The following FAM216A variants were observed in gnomAD, a reference collection of about 807,000 sequenced individuals.
FAM216A encodes family with sequence similarity 216 member A, also known as protein FAM216A.
FAM216A carries 26 observed loss-of-function variants against 37.6 expected under a neutral mutation model. The ratio of observed to expected loss-of-function variants is 0.69; its 90% CI spans 0.51 to 0.96. The LOEUF (loss-of-function observed/expected upper bound fraction) is 0.96. FAM216A is among the 40% of genes least tolerant of loss of function. The pLI is 0.00. For synonymous variants in FAM216A, 110 were observed against 121.7 expected (o/e 0.90, Z 0.64); for missense variants, 326 against 339.3 (o/e 0.96, Z 0.31).
At chr12:110,489,302 C>T (rs138725044) in intron 6 of FAM216A, among the ~76,000 whole-genome samples, 7 of 152,016 alleles carry the variant, frequency 4.6e-5, no homozygotes, top group Admixed American at 2.0e-4. Context: ...GTCAGGAGTT[C>T]GAGAGCAGCC....
At chr12:110,474,664 C>T (rs944712312) in intron 2 of FAM216A, among the ~76,000 whole-genome samples, 1 of 133,836 alleles carries the variant, frequency 7.5e-6, no homozygotes, top group Non-Finnish European at 1.5e-5. Context: ...TGCACTTGAG[C>T]CTGGGCGACA....
chr12:110,478,320 G>T lies in FAM216A; in HGVS notation c.184+5202G>T, dbSNP rs1300084460. ...TGTCCCTGTTCTACCCTTGATGTCT[G>T]CCATTTCTCCAAAGAGCCTGTGGTA... On this transcript the variant is annotated intron_variant, in intron 2 of 6. Transcript: ENST00000377673. Among the ~76,000 whole-genome samples, 41 of 152,082 alleles carry T rather than the reference G, an allele frequency of 2.7e-4. 1 individual carries two copies. Among genetic ancestry groups the T allele is most frequent in the Non-Finnish European group, 1.5e-5 (1 of 68,044 alleles).
chr12:110,484,548 CATG>C (rs1386619407), intron 2 of FAM216A, among the ~76,000 whole-genome samples: 1 of 150,006 alleles, frequency 6.7e-6, no homozygotes, highest in Non-Finnish European at 1.5e-5. Context: ...ATGTTTCTGA[CATG>C]ATGTTACTGT....
intron 1 of FAM216A, among the ~76,000 whole-genome samples, chr12:110,472,304 C>T (rs1441569576): frequency 6.6e-6 from 1 of 151,632 alleles, no homozygotes; most frequent in Non-Finnish European, 1.5e-5. Flanking sequence ...ATAAAGACAG[C>T]AAGATAATCA....
rs1476114844 is a variant in FAM216A, at chr12:110,486,360, G to A, written c.342G>A (p.Leu114=). ...PDLTTGQKRY[L]CSIAKIYNAN... ...TCACCACAGGCCAGAAGCGTTACCT[G>A]TGCAGCATTGCTAAAATCTATAATG... Residue 114 remains leucine, a synonymous_variant, in exon 4 of 7, where the codon CTG becomes CTA. Transcript: ENST00000377673. The A allele has an allele frequency of 5.0e-6, 8 of 1,613,830 alleles. No individual in the cohort carries two copies. Among genetic ancestry groups the A allele is most frequent in the African/African-American group, 2.7e-5 (2 of 75,028 alleles).
intron 1 of FAM216A, among the ~76,000 whole-genome samples, chr12:110,470,321 A>G (rs1351709244): frequency 6.6e-6 from 1 of 151,488 alleles, no homozygotes; most frequent in Admixed American, 6.6e-5. Flanking sequence ...GATGGTCTCG[A>G]TCTCCTGACC....
At chr12:110,470,049 C>T (rs905619136) in intron 1 of FAM216A, among the ~76,000 whole-genome samples, 1 of 151,890 alleles carries the variant, frequency 6.6e-6, no homozygotes, top group East Asian at 1.9e-4. Context: ...ATATGTTTGC[C>T]GTTCAGTACA....
intron 2 of FAM216A, among the ~76,000 whole-genome samples, chr12:110,478,755 G>C (rs2062729324): frequency 6.6e-6 from 1 of 152,096 alleles, no homozygotes; most frequent in South Asian, 2.1e-4. Context: ...TCTAAGCAGA[G>C]AACCCAGTGG....
intron 2 of FAM216A, among the ~76,000 whole-genome samples, chr12:110,480,108 C>T (rs549983059): frequency 5.3e-4 from 80 of 150,866 alleles, no homozygotes; most frequent in African/African-American, 1.8e-3. Flanking sequence ...TCACTGCAAC[C>T]GCTGCCTCCT....
intron 1 of FAM216A, among the ~76,000 whole-genome samples, chr12:110,469,506 TTTTC>T (rs892853418): frequency 8.6e-5 from 13 of 151,972 alleles, no homozygotes; most frequent in Admixed American, 3.3e-4. Flanking sequence ...TTTTTTTTTC[TTTTC>T]TTTCTTGTTT....
At chr12:110,488,356 A>C (rs2062788111) in intron 6 of FAM216A, among the ~76,000 whole-genome samples, 1 of 149,976 alleles carries the variant, frequency 6.7e-6, no homozygotes, top group Non-Finnish European at 1.5e-5. Context: ...GGTTGGAGTG[A>C]GCTGAGATTG....
chr12:110,474,510 T>G (rs991721896), intron 2 of FAM216A, among the ~76,000 whole-genome samples: 2 of 148,364 alleles, frequency 1.3e-5, no homozygotes, highest in East Asian at 4.0e-4. Flanking sequence ...ACCAACATGG[T>G]GAAACCCCGT....
intron 2 of FAM216A, among the ~76,000 whole-genome samples, chr12:110,475,721 CAAA>C (rs112122723): frequency 2.2e-4 from 21 of 96,976 alleles, no homozygotes; most frequent in Admixed American, 3.4e-4. Context: ...TCACCCCTGG[CAAA>C]AAAAAAAAAA....
At chr12:110,474,681 G>C (rs1003397468) in intron 2 of FAM216A, among the ~76,000 whole-genome samples, 1 of 103,752 alleles carries the variant, frequency 9.6e-6, no homozygotes, top group Non-Finnish European at 1.7e-5. Flanking sequence ...GACAGAGCGA[G>C]ACTCTGTCTC....
chr12:110,474,212 T>TA (rs1204279649), intron 2 of FAM216A, among the ~76,000 whole-genome samples: 1 of 151,938 alleles, frequency 6.6e-6, no homozygotes, highest in African/African-American at 2.4e-5. Flanking sequence ...TAGTTCAGTG[T>TA]AAAAAAGAAA....
At chr12:110,472,437 C>A (rs980867315) in intron 1 of FAM216A, among the ~76,000 whole-genome samples, 1 of 151,724 alleles carries the variant, frequency 6.6e-6, no homozygotes, top group African/African-American at 2.4e-5. Flanking sequence ...ATTAGCCAGG[C>A]GTTTTGGTGG....
chr12:110,470,668 T>A (rs2062681242), intron 1 of FAM216A, among the ~76,000 whole-genome samples: 1 of 151,902 alleles, frequency 6.6e-6, no homozygotes, highest in Admixed American at 6.6e-5. Context: ...TTAGTAGAGA[T>A]GGGCATGAGC....
In FAM216A at chr12:110,487,922, A is replaced by C; in HGVS notation, c.682A>C (p.Arg228=). 6.2e-7 allele frequency: 1 copy of C among 1,604,528 alleles called. No homozygotes were observed. The highest frequency in any genetic ancestry group is 8.5e-7 in the Non-Finnish European group (1 of 1,173,056). ...CKSLKIFRRP[R]KLFMQTVSSD... Reference sequence around the variant, plus strand: ...GTCACTGAAGATTTTTAGAAGACCAAGGAAACTGTTCATGCAAACAGGTAA... The same window carrying C: ...GTCACTGAAGATTTTTAGAAGACCACGGAAACTGTTCATGCAAACAGGTAA... Residue 228 remains arginine (R), a synonymous_variant, in exon 6 of 7, where the codon AGG becomes CGG. Transcript: ENST00000377673.
In FAM216A at chr12:110,490,059, A is replaced by T. The variant is rs769079457; in HGVS notation, c.744A>T (p.Lys248Asn). The T allele has an allele frequency of 3.9e-6, 6 of 1,551,588 alleles. No homozygotes were observed. The highest frequency in any genetic ancestry group is 5.3e-6 in the Non-Finnish European group (6 of 1,123,556). ...DDSESHMSEE[K>N]KEEDLLNNFM... ...CTGAATCACACATGAGTGAAGAAAA[A>T]AAGGAAGAAGATTTACTAAATAATT... Residue 248 changes from lysine (K) to asparagine (N), a missense_variant, in exon 7 of 7, where the codon AAA (lysine) becomes AAT (asparagine). Transcript: ENST00000377673.
Sources: gnomAD v4.1 joint callset for allele counts (sites outside exome capture counted in the v4.1 genomes callset) on GRCh38, gnomAD v4.1.1 for gene constraint, MANE v1.5 for transcripts, NCBI Gene and HGNC (gene_info 2026-07-23, HGNC 2026-07-21) for gene names.